Variants in UGT1A8 observed in about 807,000 individuals in gnomAD.
UGT1A8 encodes the protein UDP glucuronosyltransferase family 1 member A8, also known as UDP-glucuronosyltransferase 1A8.
In UGT1A8, 39 loss-of-function variants were observed where a neutral mutation model predicts 45.3. That is an observed-to-expected ratio of 0.86 (90% CI 0.67 to 1.12). UGT1A8 has a LOEUF of 1.12. Ranked by LOEUF, UGT1A8 falls within the 50% of genes most tolerant of loss-of-function variation. The pLI, the probability that UGT1A8 is intolerant of heterozygous loss-of-function variation, is 0.00. For synonymous variants in UGT1A8, 275 were observed against 249.2 expected (o/e 1.10, Z -0.97); for missense variants, 719 against 664.9 (o/e 1.08, Z -0.90).
chr2:233,731,071 A>T (rs1317636951), intron 1 of UGT1A8, among the ~76,000 whole-genome samples: 1 of 151,958 alleles, frequency 6.6e-6, no homozygotes, highest in Admixed American at 6.6e-5. Flanking sequence ...CATGATTTAG[A>T]TCCTTTTGTA....
intron 1 of UGT1A8, among the ~76,000 whole-genome samples, chr2:233,619,609 A>T (rs572742065): frequency 6.6e-6 from 1 of 152,126 alleles, no homozygotes; most frequent in South Asian, 2.1e-4. Flanking sequence ...CTATATAAGC[A>T]TTTATGTTTG....
At chr2:233,770,172 C>T (rs1423898703) in intron 4 of UGT1A8, 4 of 152,218 alleles carry the variant, frequency 2.6e-5, no homozygotes, top group African/African-American at 9.7e-5. Flanking sequence ...TCAATGAGCT[C>T]AACTTATTAA....
chr2:233,641,446 A>T (rs1490437430), intron 1 of UGT1A8, among the ~76,000 whole-genome samples: 1 of 152,214 alleles, frequency 6.6e-6, no homozygotes, highest in Non-Finnish European at 1.5e-5. Context: ...TTTCATTTAT[A>T]TCTTGTTGTA....
chr2:233,706,693 T>C (rs1230207600), intron 1 of UGT1A8, among the ~76,000 whole-genome samples: 1 of 152,202 alleles, frequency 6.6e-6, no homozygotes, highest in Non-Finnish European at 1.5e-5. Context: ...CTCCTTCTTG[T>C]CACTGAAAAG....
intron 1 of UGT1A8, among the ~76,000 whole-genome samples, chr2:233,675,371 G>T (rs2074318701): frequency 6.6e-6 from 1 of 152,196 alleles, no homozygotes; most frequent in Non-Finnish European, 1.5e-5. Flanking sequence ...ATGGCAAAAA[G>T]AGGAGGTCCC....
intron 1 of UGT1A8, chr2:233,712,870 T>A: frequency 6.3e-7 from 1 of 1,583,802 alleles, no homozygotes; most frequent in Middle Eastern, 2.3e-4. Context: ...AGGAGGGCAC[T>A]CTGTCTTCAA....
At chr2:233,648,143 G>A (rs1233273124) in intron 1 of UGT1A8, 37 of 1,280,444 alleles carry the variant, frequency 2.9e-5, no homozygotes, top group South Asian at 5.0e-5. Context: ...GCAGAAGTAC[G>A]ACGCTTATTT....
chr2:233,762,985 T>A (rs544731123), intron 1 of UGT1A8, among the ~76,000 whole-genome samples: 2 of 152,238 alleles, frequency 1.3e-5, no homozygotes, highest in Non-Finnish European at 2.9e-5. Flanking sequence ...GCTATTTTAG[T>A]GGAAATTGAT....
intron 1 of UGT1A8, among the ~76,000 whole-genome samples, chr2:233,625,363 C>T (rs565762971): frequency 2.7e-4 from 41 of 152,150 alleles, no homozygotes; most frequent in Middle Eastern, 3.4e-3. Context: ...ATTAGATCAT[C>T]CCCTGTGGGA....
At chr2:233,739,348 G>A (rs1455435875) in intron 1 of UGT1A8, among the ~76,000 whole-genome samples, 7 of 152,152 alleles carry the variant, frequency 4.6e-5, no homozygotes, top group Admixed American at 4.6e-4. Context: ...GAACCCAGAA[G>A]GGCAGATCCA....
chr2:233,738,222 T>G (rs937351311), intron 1 of UGT1A8, among the ~76,000 whole-genome samples: 9 of 152,076 alleles, frequency 5.9e-5, no homozygotes, highest in African/African-American at 1.9e-4. Context: ...ATTATAAGTT[T>G]CCTGAGGCCC....
rs558465100 is a variant in UGT1A8, at chr2:233,752,900, G to C, written c.856-14134G>C. 2.3e-4 allele frequency among the ~76,000 whole-genome samples: 35 copies of C among 152,364 alleles called. No individual in the cohort carries two copies. The South Asian group carries it at 6.8e-3, about 30-fold the overall frequency. ...GTTAAAACTAGCCAGCGTTGTTACA[G>C]ATCCACCTCTGAGTGACACTGGTAT... On this transcript the variant is annotated intron_variant, in intron 1 of 4. Transcript: ENST00000373450.
chr2:233,637,161 C>T, intron 1 of UGT1A8: 1 of 1,613,958 alleles, frequency 6.2e-7, no homozygotes, highest in Non-Finnish European at 8.5e-7. Flanking sequence ...ACATCGTGCA[C>T]TTGGAGGACC....
intron 1 of UGT1A8, among the ~76,000 whole-genome samples, chr2:233,731,515 A>G (rs1195217483): frequency 5.9e-5 from 9 of 152,018 alleles, no homozygotes; most frequent in Non-Finnish European, 2.9e-5. Flanking sequence ...GTTCCCACCT[A>G]TGAGTGAGAA....
intron 1 of UGT1A8, among the ~76,000 whole-genome samples, chr2:233,723,275 T>C (rs4663332): frequency 0.33 from 30,050 of 91,182 alleles, 6,430 homozygotes; most frequent in African/African-American, 0.61. Context: ...AATGGCACGA[T>C]GTTGGCTCAC....
intron 1 of UGT1A8, among the ~76,000 whole-genome samples, chr2:233,763,269 T>C (rs934722016): frequency 6.6e-6 from 1 of 152,266 alleles, no homozygotes; most frequent in Non-Finnish European, 1.5e-5. Context: ...TCTTGTTGCA[T>C]GTTTTAATCT....
At chr2:233,693,160 G>T in intron 1 of UGT1A8, 5 of 1,614,182 alleles carry the variant, frequency 3.1e-6, no homozygotes, top group Non-Finnish European at 4.2e-6. Flanking sequence ...TCAGTGACCG[G>T]GGTCATGAGA....
intron 1 of UGT1A8, among the ~76,000 whole-genome samples, chr2:233,632,651 G>A (rs981080062): frequency 6.6e-6 from 1 of 152,106 alleles, no homozygotes; most frequent in African/African-American, 2.4e-5. Context: ...TTGGTGTATA[G>A]GAATGCTTGT....
intron 1 of UGT1A8, among the ~76,000 whole-genome samples, chr2:233,657,002 C>A (rs1388907351): frequency 6.6e-6 from 1 of 151,996 alleles, no homozygotes; most frequent in Non-Finnish European, 1.5e-5. Flanking sequence ...TAGGACCTAA[C>A]CTTTCTACGT....
Sources: allele counts gnomAD v4.1 joint callset (sites outside exome capture counted in the v4.1 genomes callset), GRCh38; gene constraint gnomAD v4.1.1; transcripts MANE v1.5; gene names NCBI Gene and HGNC (gene_info 2026-07-23, HGNC 2026-07-21).